The following ST18 variants were observed in gnomAD, a reference collection of about 807,000 sequenced individuals.
The protein encoded by ST18 is ST18 C2H2C-type zinc finger transcription factor.
In ST18, 50 loss-of-function variants were observed where a neutral mutation model predicts 110.0. That is an observed-to-expected ratio of 0.45 (90% CI 0.36 to 0.58). The LOEUF (loss-of-function observed/expected upper bound fraction) is 0.58, where lower values mean the gene tolerates loss of function less well. Among genes scored for constraint, ST18 ranks in the 20% least tolerant of loss-of-function variants. ST18 has a pLI of 0.00. For missense variants in ST18, 1,306 were observed against 1,280.1 expected (o/e 1.02, Z -0.31); for synonymous variants, 461 against 452.4 (o/e 1.02, Z -0.24).
chr8:52,191,897 G>T (rs2074625297), intron 8 of ST18, among the ~76,000 whole-genome samples: 1 of 152,192 alleles, frequency 6.6e-6, no homozygotes, highest in Non-Finnish European at 1.5e-5. Context: ...TGAGGAAGAG[G>T]CATGTGGGTG....
chr8:52,376,400 G>T (rs1321973383), intron 2 of ST18, among the ~76,000 whole-genome samples: 1 of 152,110 alleles, frequency 6.6e-6, no homozygotes, highest in Non-Finnish European at 1.5e-5. Flanking sequence ...TCTCCCAGGA[G>T]GCTGCTCAGC....
chr8:52,141,582 G>T (rs928750476), intron 17 of ST18, among the ~76,000 whole-genome samples: 7 of 152,172 alleles, frequency 4.6e-5, no homozygotes, highest in African/African-American at 1.4e-4. Flanking sequence ...AAAGATCTGG[G>T]AATGGGAGCA....
chr8:52,270,054 G>A (rs1010284949), intron 2 of ST18, among the ~76,000 whole-genome samples: 7 of 151,954 alleles, frequency 4.6e-5, no homozygotes, highest in South Asian at 2.1e-4. Flanking sequence ...TCCCATCCCC[G>A]ACACATGTAA....
chr8:52,334,634 A>G (rs61192792), intron 2 of ST18, among the ~76,000 whole-genome samples: 30,178 of 152,094 alleles, frequency 0.2, 3,182 homozygotes, highest in African/African-American at 0.26. Flanking sequence ...GAGGTTTAAG[A>G]GGGACTATGG....
chr8:52,149,200 G>A (rs190248683), intron 16 of ST18, among the ~76,000 whole-genome samples: 2 of 152,284 alleles, frequency 1.3e-5, no homozygotes, highest in East Asian at 1.9e-4. Flanking sequence ...ACACAAATAG[G>A]TCTCCTTGAC....
At chr8:52,406,159 A>AG (rs1243911641) in intron 2 of ST18, 4 of 152,276 alleles carry the variant, frequency 2.6e-5, no homozygotes, top group African/African-American at 9.6e-5. Flanking sequence ...TGCCTAGATG[A>AG]GGTGAAATCT....
intron 8 of ST18, among the ~76,000 whole-genome samples, chr8:52,185,410 T>C (rs567572927): frequency 1.3e-5 from 2 of 152,220 alleles, no homozygotes; most frequent in Non-Finnish European, 2.9e-5. Context: ...TTCTTAGAAG[T>C]TTACAAGTTA....
chr8:52,388,063 A>G (rs1355645179), intron 2 of ST18, among the ~76,000 whole-genome samples: 1 of 152,022 alleles, frequency 6.6e-6, no homozygotes, highest in South Asian at 2.1e-4. Flanking sequence ...AAATGATTCA[A>G]TATAGATACA....
intron 8 of ST18, chr8:52,209,925 C>G: frequency 2.8e-6 from 1 of 361,084 alleles, no homozygotes; most frequent in South Asian, 2.1e-5. Flanking sequence ...CTGCTAATAC[C>G]TAACTTTTTC....
intron 9 of ST18, among the ~76,000 whole-genome samples, chr8:52,176,176 C>T (rs564799727): frequency 2.6e-4 from 39 of 152,162 alleles, no homozygotes; most frequent in African/African-American, 7.5e-4. Context: ...CAAACACCAC[C>T]GCATCCGGCT....
At chr8:52,228,379 G>A (rs2090225840) in intron 3 of ST18, among the ~76,000 whole-genome samples, 2 of 152,120 alleles carry the variant, frequency 1.3e-5, no homozygotes, top group African/African-American at 2.4e-5. Flanking sequence ...ACAGTCCCTA[G>A]TTCTTAGACT....
intron 2 of ST18, among the ~76,000 whole-genome samples, chr8:52,338,354 G>A (rs1488200328): frequency 2.0e-5 from 3 of 151,932 alleles, no homozygotes; most frequent in South Asian, 2.1e-4. Flanking sequence ...CACCGTGCCC[G>A]GCCAGACATC....
chr8:52,319,500 C>T (rs983813428), intron 2 of ST18, among the ~76,000 whole-genome samples: 1 of 152,056 alleles, frequency 6.6e-6, no homozygotes. Flanking sequence ...ATATGTTTCT[C>T]TTTTTTAGTT....
Position 52,158,841 on chromosome 8 carries a change from A to C in ST18, c.1806+57T>G, listed in dbSNP as rs2060657611. The C allele has an allele frequency of 1.9e-6, 3 of 1,583,996 alleles. No homozygotes were observed. The East Asian group carries it at 6.7e-5, about 35-fold the overall frequency. ...GAATGTAGTTAGGAACATGAAAGGCAGTTTATTCTCACAGTTCAGTCGCTG... is the reference window on the plus strand; with the variant it reads ...GAATGTAGTTAGGAACATGAAAGGCCGTTTATTCTCACAGTTCAGTCGCTG... On this transcript the variant is annotated intron_variant, in intron 15 of 25. Coordinates refer to ENST00000689386, the MANE Select transcript of ST18 (RefSeq NM_001352837.2).
chr8:52,404,328 C>T (rs920712051), intron 2 of ST18: 21 of 152,138 alleles, frequency 1.4e-4, no homozygotes, highest in Non-Finnish European at 1.5e-5. Flanking sequence ...TGAGACCCAT[C>T]CTGCACAGAG....
intron 2 of ST18, among the ~76,000 whole-genome samples, chr8:52,348,588 T>C (rs1179762246): frequency 2.6e-5 from 4 of 152,110 alleles, no homozygotes; most frequent in Non-Finnish European, 5.9e-5. Context: ...CTACTAAAAA[T>C]ACAAAATTAT....
intron 2 of ST18, among the ~76,000 whole-genome samples, chr8:52,370,033 C>T (rs1829687617): frequency 6.6e-6 from 1 of 152,172 alleles, no homozygotes; most frequent in Non-Finnish European, 1.5e-5. Context: ...GTCACCCGCT[C>T]CTCACAGACA....
chr8:52,150,645 A>G (rs762114988), intron 15 of ST18, among the ~76,000 whole-genome samples: 16 of 152,154 alleles, frequency 1.1e-4, no homozygotes, highest in Non-Finnish European at 1.5e-4. Context: ...TGCTTTGGGT[A>G]GCAGCTGACA....
At chr8:52,387,333 T>G (rs949629468) in intron 2 of ST18, among the ~76,000 whole-genome samples, 3 of 152,220 alleles carry the variant, frequency 2.0e-5, no homozygotes, top group Admixed American at 6.5e-5. Context: ...TTTGATGGAA[T>G]CTTTGTTTTG....
Sources: allele counts gnomAD v4.1 joint callset (sites outside exome capture counted in the v4.1 genomes callset), GRCh38; gene constraint gnomAD v4.1.1; transcripts MANE v1.5; gene names NCBI Gene and HGNC (gene_info 2026-07-23, HGNC 2026-07-21).